SLC16A10: variants seen among roughly 807,000 people sequenced by gnomAD.
SLC16A10 encodes the protein solute carrier family 16 member 10.
SLC16A10 carries 27 observed loss-of-function variants against 40.0 expected under a neutral mutation model. The ratio of observed to expected loss-of-function variants is 0.67; its 90% CI spans 0.50 to 0.93. The LOEUF (loss-of-function observed/expected upper bound fraction) is 0.93. SLC16A10 is among the 40% of genes least tolerant of loss of function. The probability of loss-of-function intolerance (pLI) is 0.00; values close to 1 mark genes in which losing one functional copy is unlikely to be tolerated. For synonymous variants in SLC16A10, 213 were observed against 249.8 expected, an observed-to-expected ratio of 0.85 and a Z score of 1.39; for missense variants, 529 against 658.2, an observed-to-expected ratio of 0.80 and a Z score of 2.15.
chr6:111,219,866 G>A (rs1034460591), intron 5 of SLC16A10, among the ~76,000 whole-genome samples: 7 of 152,156 alleles, frequency 4.6e-5, no homozygotes, highest in Non-Finnish European at 7.4e-5. Flanking sequence ...AATCATTTGA[G>A]CTCAGGAGTT....
chr6:111,089,913 T>TG, intron 1 of SLC16A10, among the ~76,000 whole-genome samples: 1 of 93,458 alleles, frequency 1.1e-5, no homozygotes, highest in African/African-American at 4.9e-5. Context: ...GGTGGGTTTT[T>TG]TTTTTTTTTT....
chr6:111,201,791 T>C (rs1206479838), intron 3 of SLC16A10, among the ~76,000 whole-genome samples: 2 of 152,210 alleles, frequency 1.3e-5, no homozygotes, highest in Non-Finnish European at 2.9e-5. Flanking sequence ...CACAGGTTTC[T>C]GTAAATAAAG....
chr6:111,175,705 ATT>A (rs35809166), intron 2 of SLC16A10, among the ~76,000 whole-genome samples: 7 of 144,790 alleles, frequency 4.8e-5, no homozygotes, highest in Admixed American at 6.9e-5. Flanking sequence ...GCAGAACCAC[ATT>A]TTTTTTTTTT....
chr6:111,175,269 C>T (rs1292608914), intron 2 of SLC16A10, among the ~76,000 whole-genome samples: 2 of 152,156 alleles, frequency 1.3e-5, no homozygotes, highest in Non-Finnish European at 2.9e-5. Flanking sequence ...AAACTGGAAC[C>T]ATGTGTTACT....
chr6:111,090,697 A>C (rs1770959520), intron 1 of SLC16A10, among the ~76,000 whole-genome samples: 1 of 152,188 alleles, frequency 6.6e-6, no homozygotes, highest in Non-Finnish European at 1.5e-5. Flanking sequence ...TTATTTGAGA[A>C]TATCTGCTTT....
intron 3 of SLC16A10, among the ~76,000 whole-genome samples, chr6:111,200,729 C>T (rs1443972717): frequency 1.3e-5 from 2 of 152,164 alleles, no homozygotes; most frequent in East Asian, 3.8e-4. Flanking sequence ...GCTTTCTACT[C>T]CCTTTCAGAT....
intron 4 of SLC16A10, among the ~76,000 whole-genome samples, chr6:111,210,593 T>C (rs1295235252): frequency 6.6e-6 from 1 of 152,070 alleles, no homozygotes; most frequent in East Asian, 1.9e-4. Context: ...GGTCCCTGAG[T>C]TCCTAAAGCA....
intron 3 of SLC16A10, among the ~76,000 whole-genome samples, chr6:111,183,910 G>A (rs1190231767): frequency 6.6e-6 from 1 of 152,198 alleles, no homozygotes; most frequent in Non-Finnish European, 1.5e-5. Context: ...CCTCAGGTCT[G>A]CATAGCTTTG....
intron 1 of SLC16A10, among the ~76,000 whole-genome samples, chr6:111,105,436 A>C (rs554000553): frequency 6.6e-6 from 1 of 152,276 alleles, no homozygotes; most frequent in Non-Finnish European, 1.5e-5. Context: ...TCTGACTGGG[A>C]CTGGGGTGGA....
chr6:111,151,852 G>A (rs2114516183), intron 1 of SLC16A10, among the ~76,000 whole-genome samples: 2 of 152,192 alleles, frequency 1.3e-5, no homozygotes, highest in South Asian at 4.2e-4. Context: ...GTCACTTTGG[G>A]TGTTACCCTG....
chr6:111,213,810 T>C (rs2114589994), intron 4 of SLC16A10, among the ~76,000 whole-genome samples: 1 of 152,356 alleles, frequency 6.6e-6, no homozygotes. Flanking sequence ...ACCTGCTGTG[T>C]GGCCTGACAT....
intron 3 of SLC16A10, among the ~76,000 whole-genome samples, chr6:111,195,452 T>C (rs936891391): frequency 6.6e-6 from 1 of 152,234 alleles, no homozygotes; most frequent in Non-Finnish European, 1.5e-5. Flanking sequence ...ACAATGTAAA[T>C]GTACTTAATA....
At chr6:111,190,967 G>A (rs748569094) in intron 3 of SLC16A10, among the ~76,000 whole-genome samples, 39 of 152,174 alleles carry the variant, frequency 2.6e-4, no homozygotes, top group Admixed American at 5.9e-4. Context: ...TTCTGCAAAT[G>A]TCTGCAGCTG....
chr6:111,171,603 C>T (rs1281607230), intron 1 of SLC16A10, among the ~76,000 whole-genome samples: 2 of 151,840 alleles, frequency 1.3e-5, no homozygotes, highest in Non-Finnish European at 2.9e-5. Context: ...ATCGCTTGAA[C>T]CTAGGAGTTC....
rs1389859855 is a variant in SLC16A10, at chr6:111,172,295, C to T, written c.344-400C>T. Among the ~76,000 whole-genome samples, 5 of 152,244 alleles carry T rather than the reference C, an allele frequency of 3.3e-5. No homozygotes were observed. In the South Asian group the frequency reaches 6.2e-4, roughly 19 times the overall value. On this transcript the variant is annotated intron_variant, in intron 1 of 5. Coordinates refer to ENST00000368851, the MANE Select transcript of SLC16A10 (RefSeq NM_018593.5). Reference sequence around the variant, plus strand: ...TTAGAAGGACTTACAGACTTGATTTCCTCAGCGAAGTCAGATTACTCATTT... The same window carrying T: ...TTAGAAGGACTTACAGACTTGATTTTCTCAGCGAAGTCAGATTACTCATTT...
At chr6:111,119,710 A>G (rs1238754839) in intron 1 of SLC16A10, among the ~76,000 whole-genome samples, 4 of 152,220 alleles carry the variant, frequency 2.6e-5, no homozygotes, top group Non-Finnish European at 5.9e-5. Flanking sequence ...TGACAGATGT[A>G]CTTAAGGTTA....
At chr6:111,190,780 ACAG>A (rs1224462539) in intron 3 of SLC16A10, among the ~76,000 whole-genome samples, 1 of 152,190 alleles carries the variant, frequency 6.6e-6, no homozygotes, top group Non-Finnish European at 1.5e-5. Flanking sequence ...TAAGCTGCAC[ACAG>A]CAGGGGGGCC....
At chr6:111,103,249 C>T (rs959976021) in intron 1 of SLC16A10, among the ~76,000 whole-genome samples, 1 of 151,962 alleles carries the variant, frequency 6.6e-6, no homozygotes, top group Non-Finnish European at 1.5e-5. Flanking sequence ...TGGAGTTTCA[C>T]TCTTGTCGCC....
Position 111,222,454 on chromosome 6 carries a change from A to ACC in SLC16A10, c.*219_*220insCC. On this transcript the variant is annotated 3_prime_UTR_variant, in exon 6 of 6. Coordinates refer to ENST00000368851, the MANE Select transcript of SLC16A10 (RefSeq NM_018593.5). ...GAGGGCAGAGACTCTGGTATATGAA[A>ACC]ACGTCTGAAAGTCACATATTGTGAA... is the stretch of plus-strand genomic sequence containing the variant. The ACC allele has an allele frequency of 2.6e-6, 1 of 383,554 alleles. No individual in the cohort carries two copies. The highest frequency in any genetic ancestry group is 3.4e-5 in the South Asian group (1 of 29,142). 23.8% of individuals were successfully genotyped at this position (383,554 alleles called of 1,614,324 possible).
Sources: allele counts gnomAD v4.1 joint callset (sites outside exome capture counted in the v4.1 genomes callset), GRCh38; gene constraint gnomAD v4.1.1; transcripts MANE v1.5; gene names NCBI Gene and HGNC (gene_info 2026-07-23, HGNC 2026-07-21).